The following HS6ST1 variants were observed in gnomAD, a reference collection of about 807,000 sequenced individuals.
HS6ST1 encodes the protein heparan sulfate 6-O-sulfotransferase 1.
Under a neutral mutation model 25.2 loss-of-function variants are expected in HS6ST1, and 3 were observed. The observed-to-expected ratio is 0.12, with a 90% CI of 0.05 to 0.31. The LOEUF (loss-of-function observed/expected upper bound fraction) is 0.31. Ranked by LOEUF, HS6ST1 falls within the 10% of genes least tolerant of loss-of-function variation. HS6ST1 has a pLI of 1.00. For synonymous variants in HS6ST1, 204 were observed against 275.1 expected, an observed-to-expected ratio of 0.74 and a Z score of 2.56; for missense variants, 310 against 609.6, an observed-to-expected ratio of 0.51 and a Z score of 5.18.
At chr2:128,294,253 C>G (rs952791424) in intron 1 of HS6ST1, among the ~76,000 whole-genome samples, 1 of 152,220 alleles carries the variant, frequency 6.6e-6, no homozygotes, top group Non-Finnish European at 1.5e-5. Flanking sequence ...ATGGCCTGCA[C>G]CAGGCTAGTG....
chr2:128,287,145 G>A (rs1693876388), intron 1 of HS6ST1, among the ~76,000 whole-genome samples: 1 of 152,194 alleles, frequency 6.6e-6, no homozygotes, highest in African/African-American at 2.4e-5. Context: ...GTGCCATGCA[G>A]GCCACACCCG....
At chr2:128,294,909 G>A (rs1694017949) in intron 1 of HS6ST1, among the ~76,000 whole-genome samples, 1 of 152,130 alleles carries the variant, frequency 6.6e-6, no homozygotes, top group Non-Finnish European at 1.5e-5. Context: ...CCCCCAGAGA[G>A]GCTCCAAGGA....
intron 1 of HS6ST1, among the ~76,000 whole-genome samples, chr2:128,270,008 G>A (rs1693588270): frequency 6.6e-6 from 1 of 152,224 alleles, no homozygotes; most frequent in Admixed American, 6.5e-5. Context: ...GGGAGGCACA[G>A]TGCCTGGCAA....
At chr2:128,295,657 A>G (rs1386430311) in intron 1 of HS6ST1, among the ~76,000 whole-genome samples, 1 of 152,248 alleles carries the variant, frequency 6.6e-6, no homozygotes, top group Non-Finnish European at 1.5e-5. Flanking sequence ...CAGCATATAA[A>G]AATGATTATG....
At chr2:128,284,693 G>C (rs1436319831) in intron 1 of HS6ST1, among the ~76,000 whole-genome samples, 1 of 152,088 alleles carries the variant, frequency 6.6e-6, no homozygotes, top group Admixed American at 6.5e-5. Context: ...TTGCCATGTT[G>C]GCCAAGCTGG....
At chr2:128,291,499 G>A (rs1192343840) in intron 1 of HS6ST1, among the ~76,000 whole-genome samples, 3 of 152,230 alleles carry the variant, frequency 2.0e-5, no homozygotes, top group Admixed American at 1.3e-4. Context: ...AGGGCCCCAG[G>A]CACTGGGTGA....
At chr2:128,313,004 A>G (rs1378285423) in intron 1 of HS6ST1, among the ~76,000 whole-genome samples, 7 of 152,170 alleles carry the variant, frequency 4.6e-5, no homozygotes, top group Admixed American at 4.6e-4. Flanking sequence ...CAGAGGTTGC[A>G]GTGAGCTGAG....
At chr2:128,278,318 T>C (rs4662786) in intron 1 of HS6ST1, among the ~76,000 whole-genome samples, 26,004 of 152,276 alleles carry the variant, frequency 0.17, 2,410 homozygotes, top group Non-Finnish European at 0.19. Flanking sequence ...TTCTTATTGC[T>C]GACTCTGCCT....
At chr2:128,274,207 T>C (rs1406259026) in intron 1 of HS6ST1, among the ~76,000 whole-genome samples, 1 of 151,762 alleles carries the variant, frequency 6.6e-6, no homozygotes, top group Non-Finnish European at 1.5e-5. Flanking sequence ...ATAACCAGAA[T>C]TGGAGTACAT....
intron 1 of HS6ST1, among the ~76,000 whole-genome samples, chr2:128,300,683 G>A (rs1384375474): frequency 6.6e-6 from 1 of 152,214 alleles, no homozygotes; most frequent in African/African-American, 2.4e-5. Context: ...GCAGGTGGAG[G>A]ACGAGGATGC....
chr2:128,318,556 C>T lies in HS6ST1; in HGVS notation c.8G>A (p.Arg3Gln). MR[R>Q]RRAGGRTMVE... ...CATGGTCCTGCCGCCGGCGCGCCGC[C>T]GCCGCATGTGTCACCATCGCCGGGG... The change falls in exon 1 of 2, where the codon CGG becomes CAG. Residue 3 changes from arginine (R) to glutamine (Q), a missense_variant. Physicochemically the swap from Arg to Gln is conservative, Grantham distance 43 (BLOSUM62 1). Coordinates refer to ENST00000259241, the MANE Select transcript of HS6ST1 (RefSeq NM_004807.3). This position sits in a 1 kb window ranked among gnomAD's most constrained non-coding sequence, Gnocchi z 5.7. 1.3e-6 allele frequency: 2 copies of T among 1,485,504 alleles called. No homozygotes were observed. Among genetic ancestry groups the T allele is most frequent in the Non-Finnish European group, 1.8e-6 (2 of 1,126,168 alleles). The allele number at this position is 1,485,504 out of a possible 1,614,324, so 92.0% of individuals were successfully genotyped here.
chr2:128,314,586 C>T (rs990131430), intron 1 of HS6ST1, among the ~76,000 whole-genome samples: 1 of 152,164 alleles, frequency 6.6e-6, no homozygotes, highest in Non-Finnish European at 1.5e-5. Context: ...CACACAGGTC[C>T]AGCACCAGGC....
At chr2:128,274,631 G>C (rs1284802863) in intron 1 of HS6ST1, among the ~76,000 whole-genome samples, 2 of 152,166 alleles carry the variant, frequency 1.3e-5, no homozygotes, top group Non-Finnish European at 2.9e-5. Context: ...CAGGATGTCA[G>C]CAAAACATCC....
intron 1 of HS6ST1, among the ~76,000 whole-genome samples, chr2:128,312,844 G>A (rs1017126656): frequency 1.3e-5 from 2 of 152,156 alleles, no homozygotes; most frequent in African/African-American, 4.8e-5. Context: ...CAGATCACCT[G>A]AGGTCCCGAG....
In HS6ST1 at chr2:128,293,586, T is replaced by C. The variant is rs536492309; in HGVS notation, c.527+24451A>G. The stretch of plus-strand genomic sequence containing the variant: ...GGGGCGCTTCCCGGGGCCACAGCTT[T>C]GGGGGATGTTTAGCAAAACCAGGGG... On this transcript the variant is annotated intron_variant, in intron 1 of 1. Transcript: ENST00000259241. Among the ~76,000 whole-genome samples, 40 of 152,186 alleles carry C rather than the reference T, an allele frequency of 2.6e-4. No homozygotes were observed. The South Asian group carries it at 7.5e-3, about 28-fold the overall frequency.
intron 1 of HS6ST1, among the ~76,000 whole-genome samples, chr2:128,283,709 T>A (rs1693820248): frequency 6.6e-6 from 1 of 152,092 alleles, no homozygotes; most frequent in Admixed American, 6.5e-5. Flanking sequence ...GGGGTGGGCT[T>A]TGGCCAGGCT....
intron 1 of HS6ST1, among the ~76,000 whole-genome samples, chr2:128,295,307 G>A (rs1694026441): frequency 2.6e-5 from 4 of 152,294 alleles, no homozygotes; most frequent in Middle Eastern, 6.8e-3. Flanking sequence ...ACTCCTCTCC[G>A]TTTATAGTTG....
intron 1 of HS6ST1, among the ~76,000 whole-genome samples, chr2:128,315,586 A>G (rs544654545): frequency 2.6e-5 from 4 of 152,292 alleles, no homozygotes; most frequent in Admixed American, 2.6e-4. Context: ...GTCTCCTGAC[A>G]CCAAGCCCAC....
rs1196983589 is a variant in HS6ST1 at position 128,318,042 on chromosome 2, C to G, written c.522G>C (p.Thr174=). Residue 174 remains threonine (T), a synonymous_variant, in exon 1 of 2, where the codon ACG becomes ACC. Transcript: ENST00000259241. This position sits in a 1 kb window ranked among gnomAD's most constrained non-coding sequence, Gnocchi z 5.7. ...LDRRDSAALR[T]PRKFYYITLL... ...CCCGCCGCCCGGGCGCTCACCTGGG[C>G]GTGCGCAGCGCGGCGGAGTCGCGGC... 6.6e-7 allele frequency: 1 copy of G among 1,514,286 alleles called. No individual in the cohort carries two copies. Among genetic ancestry groups the G allele is most frequent in the Non-Finnish European group, 8.8e-7 (1 of 1,137,974 alleles). 93.8% of individuals were successfully genotyped at this position (1,514,286 alleles called of 1,614,324 possible). A position where few individuals can be genotyped will look rare whatever the true frequency, so the allele number is the denominator to read the frequency against.
Sources: allele counts gnomAD v4.1 joint callset (sites outside exome capture counted in the v4.1 genomes callset), GRCh38; gene constraint gnomAD v4.1.1; non-coding constraint Gnocchi (gnomAD v3.1); transcripts MANE v1.5; gene names NCBI Gene and HGNC (gene_info 2026-07-23, HGNC 2026-07-21).